FBXL17: variants seen among roughly 807,000 people sequenced by gnomAD.
FBXL17 encodes the protein F-box and leucine rich repeat protein 17.
In FBXL17, 22 loss-of-function variants were observed where a neutral mutation model predicts 66.2. The observed-to-expected ratio is 0.33, with a 90% CI of 0.24 to 0.47. The LOEUF (loss-of-function observed/expected upper bound fraction) is 0.47, where lower values mean the gene tolerates loss of function less well. Among genes scored for constraint, FBXL17 ranks in the 20% least tolerant of loss-of-function variants. The pLI, the probability that FBXL17 is intolerant of heterozygous loss-of-function variation, is 1.00. For synonymous variants in FBXL17, 474 were observed against 400.5 expected, an observed-to-expected ratio of 1.18 and a Z score of -2.19; for missense variants, 878 against 948.2, an observed-to-expected ratio of 0.93 and a Z score of 0.97.
intron 4 of FBXL17, among the ~76,000 whole-genome samples, chr5:108,287,555 C>T (rs1471996036): frequency 6.6e-6 from 1 of 151,680 alleles, no homozygotes; most frequent in Non-Finnish European, 1.5e-5. Flanking sequence ...CAAAGAAAAA[C>T]GACAATGAGA....
At chr5:107,921,899 GT>G (rs1750334651) in intron 7 of FBXL17, among the ~76,000 whole-genome samples, 1 of 152,168 alleles carries the variant, frequency 6.6e-6, no homozygotes, top group Non-Finnish European at 1.5e-5. Flanking sequence ...GCGCACATGG[GT>G]GGGGCAGTAT....
At position 108,096,727 on chromosome 5, in the gene FBXL17, G is replaced by C. The variant is rs76868610; in HGVS notation, c.1746-75726C>G. Among the ~76,000 whole-genome samples the C allele has an allele frequency of 3.9e-3, 590 of 152,282 alleles. 5 individuals carry two copies. The highest frequency in any genetic ancestry group is 0.014 in the African/African-American group (574 of 41,560). On this transcript the variant is annotated intron_variant, in intron 6 of 8. Coordinates refer to ENST00000542267, the MANE Select transcript of FBXL17 (RefSeq NM_001163315.3). ...GCCTGGATGGCCAGTGAGTATGGAA[G>C]GAAAAGGATCAAGAAACAAGGAGCT...
At chr5:108,235,790 A>C (rs955252513) in intron 4 of FBXL17, among the ~76,000 whole-genome samples, 1 of 152,208 alleles carries the variant, frequency 6.6e-6, no homozygotes, top group African/African-American at 2.4e-5. Flanking sequence ...AGTTTGATAC[A>C]GTGTCCCACG....
chr5:108,148,580 A>G (rs2149993767), intron 6 of FBXL17, among the ~76,000 whole-genome samples: 1 of 152,348 alleles, frequency 6.6e-6, no homozygotes, highest in African/African-American at 2.4e-5. Flanking sequence ...AGGAATACAC[A>G]CAGTATGATT....
intron 7 of FBXL17, among the ~76,000 whole-genome samples, chr5:108,000,424 G>A (rs753505611): frequency 1.2e-4 from 18 of 152,306 alleles, no homozygotes; most frequent in Non-Finnish European, 1.2e-4. Context: ...AGAGCTGCAT[G>A]TTAATCACCT....
chr5:107,891,975 C>T (rs887355205), intron 7 of FBXL17, among the ~76,000 whole-genome samples: 5 of 152,132 alleles, frequency 3.3e-5, no homozygotes, highest in Non-Finnish European at 7.3e-5. Context: ...ATATACCCAA[C>T]CTACAGAACA....
intron 6 of FBXL17, among the ~76,000 whole-genome samples, chr5:108,118,746 T>A (rs1228985805): frequency 6.6e-6 from 1 of 152,196 alleles, no homozygotes; most frequent in Non-Finnish European, 1.5e-5. Flanking sequence ...CAACTCCTAC[T>A]TACCTCTCTA....
At chr5:108,094,853 A>G (rs1234334572) in intron 6 of FBXL17, among the ~76,000 whole-genome samples, 2 of 151,030 alleles carry the variant, frequency 1.3e-5, no homozygotes, top group African/African-American at 4.9e-5. Flanking sequence ...GGTTATATCA[A>G]AATTGACAGG....
chr5:107,981,128 G>A (rs1301702680), intron 7 of FBXL17, among the ~76,000 whole-genome samples: 3 of 152,104 alleles, frequency 2.0e-5, no homozygotes, highest in Admixed American at 1.3e-4. Flanking sequence ...CACAGGCAAC[G>A]TCACAGAAAC....
rs568680810 is a variant in FBXL17, at chr5:108,102,782, G to C, written c.1746-81781C>G. On this transcript the variant is annotated intron_variant, in intron 6 of 8. Coordinates refer to ENST00000542267, the MANE Select transcript of FBXL17 (RefSeq NM_001163315.3). ...ACACACTCAGAAATAATGCCTCCAT[G>C]TGTGTCATTAATGTTTAACCATCTA... is the stretch of plus-strand genomic sequence containing the variant. 1.7e-4 allele frequency among the ~76,000 whole-genome samples: 26 copies of C among 152,254 alleles called. 1 individual carries two copies. In the South Asian group the frequency reaches 2.7e-3, roughly 16 times the overall value.
chr5:107,950,760 G>T (rs1751473557), intron 7 of FBXL17, among the ~76,000 whole-genome samples: 1 of 152,130 alleles, frequency 6.6e-6, no homozygotes, highest in African/African-American at 2.4e-5. Flanking sequence ...CCTCAAAATA[G>T]GTAATTGAAA....
chr5:108,135,298 G>T (rs1381062050), intron 6 of FBXL17, among the ~76,000 whole-genome samples: 2 of 152,086 alleles, frequency 1.3e-5, no homozygotes, highest in African/African-American at 4.8e-5. Context: ...ATATTTAAAG[G>T]GGAAAACTTT....
At chr5:107,967,766 A>G (rs1752209802) in intron 7 of FBXL17, among the ~76,000 whole-genome samples, 1 of 152,148 alleles carries the variant, frequency 6.6e-6, no homozygotes, top group African/African-American at 2.4e-5. Context: ...CAGCTTAAAT[A>G]TTTAATGATG....
chr5:108,183,823 T>C (rs1580572559), intron 6 of FBXL17, among the ~76,000 whole-genome samples: 1 of 152,196 alleles, frequency 6.6e-6, no homozygotes, highest in Non-Finnish European at 1.5e-5. Context: ...GGTATTTGGT[T>C]TTTGATTCCT....
At position 108,214,058 on chromosome 5, in the gene FBXL17, A is replaced by AG. The variant is rs1754490855; in HGVS notation, c.1614+10062dup. ...GGTACAGTTCCAGAAGATACTTTGAAGGGGTGGGGAGACCACACTCACATC... is the reference window on the plus strand; with the variant it reads ...GGTACAGTTCCAGAAGATACTTTGAAGGGGGTGGGGAGACCACACTCACATC... On this transcript the variant is annotated intron_variant, in intron 5 of 8. Transcript: ENST00000542267. Among the ~76,000 whole-genome samples, 9 of 152,322 alleles carry AG rather than the reference A, an allele frequency of 5.9e-5. No individual in the cohort carries two copies. In the South Asian group the frequency reaches 1.9e-3, roughly 32 times the overall value.
chr5:108,023,016 G>A (rs1486819849), intron 6 of FBXL17, among the ~76,000 whole-genome samples: 2 of 152,178 alleles, frequency 1.3e-5, no homozygotes, highest in African/African-American at 2.4e-5. Context: ...CAGTGGCCAA[G>A]AGACAACACA....
intron 7 of FBXL17, among the ~76,000 whole-genome samples, chr5:107,963,913 A>T (rs191885938): frequency 4.3e-4 from 65 of 152,302 alleles, no homozygotes; most frequent in Admixed American, 9.8e-4. Context: ...GAGGTTAATC[A>T]TCAGATAATT....
At chr5:107,956,668 A>C (rs1245771858) in intron 7 of FBXL17, among the ~76,000 whole-genome samples, 3 of 152,206 alleles carry the variant, frequency 2.0e-5, no homozygotes, top group African/African-American at 7.2e-5. Flanking sequence ...CAATCCCCAC[A>C]GTGACAATTA....
At chr5:107,875,111 T>G (rs1298031356) in intron 8 of FBXL17, among the ~76,000 whole-genome samples, 1 of 151,868 alleles carries the variant, frequency 6.6e-6, no homozygotes, top group Non-Finnish European at 1.5e-5. Context: ...CTCTCTCTTT[T>G]TTTTTTTTTA....
Sources: gnomAD v4.1 joint callset for allele counts (sites outside exome capture counted in the v4.1 genomes callset) on GRCh38, gnomAD v4.1.1 for gene constraint, MANE v1.5 for transcripts, NCBI Gene and HGNC (gene_info 2026-07-23, HGNC 2026-07-21) for gene names.